The following MYH10 variants were observed in gnomAD, a reference collection of about 807,000 sequenced individuals.
The protein encoded by MYH10 is myosin-10.
In MYH10, 55 loss-of-function variants were observed where a neutral mutation model predicts 257.8. The observed-to-expected ratio is 0.21, with a 90% CI of 0.17 to 0.27. The LOEUF is 0.27. Ranked by LOEUF, MYH10 falls within the 10% of genes least tolerant of loss-of-function variation. The pLI is 1.00. For synonymous variants in MYH10, 854 were observed against 921.7 expected (o/e 0.93, Z 1.33); for missense variants, 1,631 against 2,500.6 (o/e 0.65, Z 7.42).
At chr17:8,502,583 TC>T (rs2080931670) in intron 28 of MYH10, among the ~76,000 whole-genome samples, 2 of 152,040 alleles carry the variant, frequency 1.3e-5, no homozygotes, top group Non-Finnish European at 2.9e-5. Context: ...CCCATTTCTT[TC>T]AGTTTTTCAT....
At chr17:8,505,052 C>T (rs1407038031) in intron 27 of MYH10, 146 bp from the exon 28 acceptor site, 4 of 692,870 alleles carry the variant, frequency 5.8e-6, no homozygotes, top group African/African-American at 5.4e-5. Flanking sequence ...TGCAGATGCT[C>T]AGCACCTGCT....
At chr17:8,579,204 AG>A (rs1434397941) in intron 4 of MYH10, among the ~76,000 whole-genome samples, 2 of 151,996 alleles carry the variant, frequency 1.3e-5, no homozygotes, top group African/African-American at 4.8e-5. Flanking sequence ...TCTCGAGCCT[AG>A]GAAGTTGAGG....
chr17:8,616,838 A>C (rs982984721), intron 2 of MYH10, among the ~76,000 whole-genome samples: 3 of 152,164 alleles, frequency 2.0e-5, no homozygotes, highest in Non-Finnish European at 4.4e-5. Flanking sequence ...TAAAGAACAA[A>C]AAATAGAGGA....
chr17:8,620,478 T>G (rs1567991850), intron 2 of MYH10, among the ~76,000 whole-genome samples: 1 of 151,876 alleles, frequency 6.6e-6, no homozygotes, highest in East Asian at 1.9e-4. Flanking sequence ...CCTGAGAAAT[T>G]GGGGGTCAGA....
In MYH10 at chr17:8,593,425, A is replaced by AAAAC. The variant is rs71361808; in HGVS notation, c.503-4321_503-4318dup. Among the ~76,000 whole-genome samples, 13 of 150,968 alleles carry AAAAC rather than the reference A, an allele frequency of 8.6e-5. 1 individual carries two copies. Among genetic ancestry groups the AAAAC allele is most frequent in the South Asian group, 2.1e-4 (1 of 4,786 alleles). On this transcript the variant is annotated intron_variant, in intron 3 of 42. Coordinates refer to ENST00000360416, the MANE Select transcript of MYH10 (RefSeq NM_001256012.3). ...AATCCCAAACAATCTACAATACACA[A>AAAAC]AAACAAACAAACAAACAAACAAAAA...
intron 7 of MYH10, among the ~76,000 whole-genome samples, chr17:8,564,078 TCTC>T (rs1249750834): frequency 6.6e-6 from 1 of 152,158 alleles, no homozygotes; most frequent in African/African-American, 2.4e-5. Flanking sequence ...TTTACATAAA[TCTC>T]CTCCATCTGG....
At chr17:8,547,057 TC>T (rs1386736884) in intron 11 of MYH10, among the ~76,000 whole-genome samples, 1 of 152,064 alleles carries the variant, frequency 6.6e-6, no homozygotes, top group Non-Finnish European at 1.5e-5. Context: ...AACCTAGTGG[TC>T]CCCTACTGCT....
At chr17:8,582,824 C>T (rs2083759322) in intron 4 of MYH10, among the ~76,000 whole-genome samples, 3 of 152,178 alleles carry the variant, frequency 2.0e-5, no homozygotes. Flanking sequence ...ACCCCTTTTT[C>T]AGATCTTTAT....
At chr17:8,496,200 C>T (rs1040103365) in intron 30 of MYH10, among the ~76,000 whole-genome samples, 15 of 152,168 alleles carry the variant, frequency 9.9e-5, no homozygotes, top group South Asian at 2.1e-4. Flanking sequence ...GCTGGGAAGA[C>T]GCAGAGGGAC....
At position 8,622,883 on chromosome 17, in the gene MYH10, A is replaced by C. The variant is rs75036112; in HGVS notation, c.345+19T>G. On this transcript the variant is annotated intron_variant, in intron 2 of 42. Coordinates refer to ENST00000360416, the MANE Select transcript of MYH10 (RefSeq NM_001256012.3). ...TTCCTAGCTACCACTTCACATGATT[A>C]TTTGGAAGAAATACTTACATAGATT... The C allele has an allele frequency of 7.6e-4, 1,229 of 1,607,608 alleles. 6 individuals are homozygous for C. The African/African-American group carries it at 0.014, about 19-fold the overall frequency.
chr17:8,530,427 G>A (rs1180763722), intron 17 of MYH10, among the ~76,000 whole-genome samples, 196 bp downstream of exon 17: 2 of 152,178 alleles, frequency 1.3e-5, no homozygotes, highest in Non-Finnish European at 2.9e-5. Flanking sequence ...CATTTGCCTT[G>A]AAGTATAATA....
intron 3 of MYH10, among the ~76,000 whole-genome samples, chr17:8,590,634 T>C (rs1460753772): frequency 6.6e-6 from 1 of 152,132 alleles, no homozygotes; most frequent in African/African-American, 2.4e-5. Flanking sequence ...TAATAGCTCA[T>C]AACCTGGTGT....
chr17:8,592,658 A>T (rs1418657878), intron 3 of MYH10, among the ~76,000 whole-genome samples: 1 of 151,416 alleles, frequency 6.6e-6, no homozygotes, highest in Non-Finnish European at 1.5e-5. Flanking sequence ...GTAATTAAAA[A>T]TCTTCTCACA....
intron 2 of MYH10, among the ~76,000 whole-genome samples, chr17:8,614,538 T>C (rs1465235467): frequency 6.6e-6 from 1 of 152,010 alleles, no homozygotes; most frequent in African/African-American, 2.4e-5. Flanking sequence ...AGGCTGGTCT[T>C]GACACTGGCC....
chr17:8,589,527 T>C lies in MYH10; in HGVS notation c.503-419A>G, dbSNP rs147252262. 6.4e-3 allele frequency among the ~76,000 whole-genome samples: 978 copies of C among 152,250 alleles called. 12 individuals carry two copies. Among genetic ancestry groups the C allele is most frequent in the African/African-American group, 0.023 (942 of 41,544 alleles). ...TCTTTAAATAAGCGCCCCAGGTGAT[T>C]ATGACACCTGGCCAGATTTGGAAAC... On this transcript the variant is annotated intron_variant, in intron 3 of 42. Transcript: ENST00000360416.
chr17:8,495,329 G>T (rs1056607970), intron 30 of MYH10, 88 bp from the exon 31 acceptor site: 25 of 805,962 alleles, frequency 3.1e-5, no homozygotes, highest in Non-Finnish European at 4.3e-5. Flanking sequence ...ACACAGAGAA[G>T]AACTCGGCGG....
intron 4 of MYH10, among the ~76,000 whole-genome samples, chr17:8,581,153 A>G (rs1290376690): frequency 6.6e-6 from 1 of 152,002 alleles, no homozygotes; most frequent in Non-Finnish European, 1.5e-5. Flanking sequence ...AGGCAGATGG[A>G]GCAGGAAGGG....
chr17:8,563,586 T>A (rs919451101), intron 7 of MYH10, among the ~76,000 whole-genome samples: 1 of 152,244 alleles, frequency 6.6e-6, no homozygotes, highest in African/African-American at 2.4e-5. Context: ...GCTGGTTGCC[T>A]GGTGCAGACC....
intron 2 of MYH10, among the ~76,000 whole-genome samples, chr17:8,606,081 GA>G (rs2084791634): frequency 6.6e-6 from 1 of 151,870 alleles, no homozygotes; most frequent in South Asian, 2.1e-4. Flanking sequence ...TTTAATTACT[GA>G]TACAGTAAAT....
Sources: gnomAD v4.1 joint callset for allele counts (sites outside exome capture counted in the v4.1 genomes callset) on GRCh38, gnomAD v4.1.1 for gene constraint, MANE v1.5 for transcripts, NCBI Gene and HGNC (gene_info 2026-07-23, HGNC 2026-07-21) for gene names.